Variants in ZNF385D observed in about 807,000 individuals in gnomAD.
ZNF385D encodes the protein zinc finger protein 659.
ZNF385D carries 15 observed loss-of-function variants against 35.8 expected under a neutral mutation model. That is an observed-to-expected ratio of 0.42 (90% confidence interval 0.28 to 0.64). The LOEUF is 0.64. Ranked by LOEUF, ZNF385D falls within the 30% of genes least tolerant of loss-of-function variation. The pLI, the probability that ZNF385D is intolerant of heterozygous loss-of-function variation, is 0.23. For missense variants in ZNF385D, 474 were observed against 494.6 expected, an observed-to-expected ratio of 0.96 and a Z score of 0.39; for synonymous variants, 212 against 186.8, an observed-to-expected ratio of 1.13 and a Z score of -1.10.
chr3:21,723,330 A>C (rs954415379), intron 1 of ZNF385D, among the ~76,000 whole-genome samples: 1 of 152,212 alleles, frequency 6.6e-6, no homozygotes, highest in Non-Finnish European at 1.5e-5. Context: ...TATGCTTCAG[A>C]AGGTGGGTAA....
chr3:21,907,906 T>C (rs1699760212), intron 3 of ZNF385D, among the ~76,000 whole-genome samples: 1 of 152,044 alleles, frequency 6.6e-6, no homozygotes, highest in African/African-American at 2.4e-5. Context: ...AGAACTTGCC[T>C]ATTAGAAATA....
chr3:22,049,623 T>A (rs1699222440), intron 3 of ZNF385D, among the ~76,000 whole-genome samples: 1 of 152,196 alleles, frequency 6.6e-6, no homozygotes, highest in African/African-American at 2.4e-5. Flanking sequence ...TTTCAAAATT[T>A]AGTTTGATGT....
intron 2 of ZNF385D, among the ~76,000 whole-genome samples, chr3:22,169,539 T>C (rs1031451400): frequency 1.3e-5 from 2 of 152,184 alleles, no homozygotes; most frequent in African/African-American, 4.8e-5. Context: ...GTAAAGTGAC[T>C]TACATCTGGA....
At chr3:21,978,811 G>A (rs79042542) in intron 3 of ZNF385D, among the ~76,000 whole-genome samples, 1 of 151,882 alleles carries the variant, frequency 6.6e-6, no homozygotes, top group Non-Finnish European at 1.5e-5. Flanking sequence ...TAGGTGCTCA[G>A]CATTATGACA....
At chr3:21,932,944 T>C (rs1455028209) in intron 3 of ZNF385D, among the ~76,000 whole-genome samples, 2 of 152,174 alleles carry the variant, frequency 1.3e-5, no homozygotes, top group African/African-American at 4.8e-5. Context: ...GCTACTGGGA[T>C]AGGAGATCGC....
chr3:22,155,220 G>C (rs921850677), intron 3 of ZNF385D, among the ~76,000 whole-genome samples: 9 of 152,042 alleles, frequency 5.9e-5, no homozygotes, highest in African/African-American at 1.7e-4. Context: ...AGATCTATGT[G>C]AGAGAAGTAC....
intron 2 of ZNF385D, among the ~76,000 whole-genome samples, chr3:22,364,096 A>G (rs1696540761): frequency 6.6e-6 from 1 of 152,096 alleles, no homozygotes; most frequent in Non-Finnish European, 1.5e-5. Flanking sequence ...GTTATTTCAT[A>G]ATCATTCTAG....
intron 3 of ZNF385D, among the ~76,000 whole-genome samples, chr3:22,102,427 T>A (rs1218257463): frequency 1.3e-5 from 2 of 151,844 alleles, no homozygotes; most frequent in African/African-American, 4.8e-5. Context: ...GAGACAAGAG[T>A]CCTTGCACCT....
chr3:21,666,767 T>C (rs1483027372), intron 1 of ZNF385D, among the ~76,000 whole-genome samples: 1 of 152,194 alleles, frequency 6.6e-6, no homozygotes, highest in African/African-American at 2.4e-5. Flanking sequence ...AATTTTTGGA[T>C]GGTACATCTT....
intron 1 of ZNF385D, among the ~76,000 whole-genome samples, chr3:21,682,667 GT>G (rs1229371670): frequency 5.3e-5 from 8 of 150,028 alleles, no homozygotes; most frequent in African/African-American, 2.0e-4. Context: ...ATTAGAGCAA[GT>G]TAGAACTGGA....
intron 2 of ZNF385D, among the ~76,000 whole-genome samples, chr3:22,329,914 A>G (rs2125458794): frequency 6.6e-6 from 1 of 152,320 alleles, no homozygotes; most frequent in South Asian, 2.1e-4. Flanking sequence ...CGCACATCTC[A>G]ATTCAGACTA....
intron 3 of ZNF385D, among the ~76,000 whole-genome samples, chr3:21,809,128 C>A (rs1462508431): frequency 6.6e-6 from 1 of 151,930 alleles, no homozygotes; most frequent in South Asian, 2.1e-4. Context: ...CAAAAACACA[C>A]AAAGTACCAA....
At chr3:22,199,856 G>T (rs1041033656) in intron 2 of ZNF385D, among the ~76,000 whole-genome samples, 2 of 151,866 alleles carry the variant, frequency 1.3e-5, no homozygotes, top group Non-Finnish European at 2.9e-5. Context: ...TTTTAAACAG[G>T]ATAAAATGTG....
At chr3:21,599,079 A>G (rs1003529147) in intron 2 of ZNF385D, among the ~76,000 whole-genome samples, 22 of 152,222 alleles carry the variant, frequency 1.4e-4, no homozygotes, top group Non-Finnish European at 2.9e-4. Context: ...TGAATCTGGT[A>G]TCACCTATAA....
chr3:21,700,308 C>T (rs893707213), intron 1 of ZNF385D, among the ~76,000 whole-genome samples: 1 of 151,996 alleles, frequency 6.6e-6, no homozygotes, highest in Non-Finnish European at 1.5e-5. Context: ...GGAAGAAGCA[C>T]TCCAGACTGA....
intron 2 of ZNF385D, among the ~76,000 whole-genome samples, chr3:22,217,930 T>G (rs552338267): frequency 6.6e-6 from 1 of 152,262 alleles, no homozygotes; most frequent in East Asian, 1.9e-4. Flanking sequence ...GCACTCCAAT[T>G]GGTCACTCCC....
At chr3:22,252,550 C>T (rs1700115818) in intron 2 of ZNF385D, among the ~76,000 whole-genome samples, 1 of 151,926 alleles carries the variant, frequency 6.6e-6, no homozygotes, top group Non-Finnish European at 1.5e-5. Flanking sequence ...AGAAAATTAC[C>T]ATTTATTTAA....
intron 1 of ZNF385D, among the ~76,000 whole-genome samples, chr3:21,707,838 A>G (rs1486012026): frequency 6.6e-6 from 1 of 152,172 alleles, no homozygotes; most frequent in Admixed American, 6.5e-5. Context: ...AAGATGAAAG[A>G]TCTGTTCTTT....
intron 3 of ZNF385D, among the ~76,000 whole-genome samples, chr3:22,105,227 T>C (rs1161658598): frequency 6.6e-6 from 1 of 151,614 alleles, no homozygotes; most frequent in African/African-American, 2.4e-5. Flanking sequence ...AAAATGATAC[T>C]TTTCTCTACT....
Sources: gnomAD v4.1 joint callset for allele counts (sites outside exome capture counted in the v4.1 genomes callset) on GRCh38, gnomAD v4.1.1 for gene constraint, MANE v1.5 for transcripts, NCBI Gene and HGNC (gene_info 2026-07-23, HGNC 2026-07-21) for gene names.